PUDP: variants seen among roughly 807,000 people sequenced by gnomAD.
PUDP encodes pseudouridine-5'-phosphatase.
A neutral mutation model predicts 9.4 loss-of-function variants in PUDP; 8 were observed. The observed-to-expected ratio is 0.85, with a 90% CI of 0.50 to 1.53. The LOEUF is 1.53. Among genes scored for constraint, PUDP ranks in the 40% most tolerant of loss-of-function variants. PUDP has a pLI of 0.00. For synonymous variants in PUDP, 99 were observed against 80.7 expected (o/e 1.23, Z -1.22); for missense variants, 188 against 189.7 (o/e 0.99, Z 0.05).
intron 1 of PUDP, among the ~76,000 whole-genome samples, chrX:7,040,999 T>C (rs1382802812): frequency 1.8e-5 from 2 of 112,081 alleles, no homozygotes; most frequent in East Asian, 5.6e-4. Flanking sequence ...CCTCCCCTTC[T>C]TTCCTTGCCC....
chrX:6,741,850 CTTTT>C (rs760334829), intron 3 of PUDP, among the ~76,000 whole-genome samples: 4 of 96,042 alleles, frequency 4.2e-5, no homozygotes, highest in Non-Finnish European at 8.3e-5. Context: ...TTCTTTCTTT[CTTTT>C]TCTTTCTTTC....
chrX:6,778,434 T>C (rs1925503144), intron 3 of PUDP, among the ~76,000 whole-genome samples: 1 of 112,807 alleles, frequency 8.9e-6, no homozygotes, highest in African/African-American at 3.2e-5. Flanking sequence ...CCAGCCACCC[T>C]GAGCATTGCT....
At chrX:6,808,962 A>G (rs1926095376) in intron 3 of PUDP, among the ~76,000 whole-genome samples, 1 of 111,866 alleles carries the variant, frequency 8.9e-6, no homozygotes, top group African/African-American at 3.2e-5. Context: ...GTGGCATGAA[A>G]ACAAGTCCTT....
At chrX:6,816,177 G>A (rs1307250923) in intron 3 of PUDP, among the ~76,000 whole-genome samples, 1 of 105,758 alleles carries the variant, frequency 9.5e-6, no homozygotes, top group Non-Finnish European at 1.9e-5. Context: ...AGTCTATAAA[G>A]ATGATCTTAC....
intron 3 of PUDP, among the ~76,000 whole-genome samples, chrX:6,781,351 C>A (rs760953005): frequency 8.9e-6 from 1 of 111,738 alleles, no homozygotes. Context: ...TCACCCATTA[C>A]GGCACTCTTT....
intron 2 of PUDP, among the ~76,000 whole-genome samples, chrX:7,103,270 G>A (rs1195669060): frequency 2.7e-5 from 3 of 111,806 alleles, no homozygotes; most frequent in African/African-American, 9.8e-5. Flanking sequence ...TTTGTCAAAC[G>A]ATCTTCAACG....
At chrX:6,929,023 T>C (rs1928150033) in intron 3 of PUDP, among the ~76,000 whole-genome samples, 1 of 112,153 alleles carries the variant, frequency 8.9e-6, no homozygotes, top group African/African-American at 3.2e-5. Flanking sequence ...CATGATCAGA[T>C]GTACATAGTT....
At chrX:6,976,356 C>T in intron 3 of PUDP, among the ~76,000 whole-genome samples, 1 of 112,007 alleles carries the variant, frequency 8.9e-6, no homozygotes, top group East Asian at 2.8e-4. Flanking sequence ...ATCTCCTGGT[C>T]TGCGGGTTGC....
chrX:6,876,643 G>A (rs1450947929), intron 3 of PUDP, among the ~76,000 whole-genome samples: 3 of 90,568 alleles, frequency 3.3e-5, no homozygotes, highest in African/African-American at 2.0e-4. Flanking sequence ...AATGTTATGT[G>A]TGTGTGTGTG....
chrX:6,718,684 C>T, intron 1 of PUDP, among the ~76,000 whole-genome samples: 1 of 111,248 alleles, frequency 9.0e-6, no homozygotes, highest in Admixed American at 9.6e-5. Flanking sequence ...CACTAAAAGT[C>T]CAGACTTCTC....
At chrX:6,969,336 T>A (rs1928836102) in intron 3 of PUDP, among the ~76,000 whole-genome samples, 1 of 112,132 alleles carries the variant, frequency 8.9e-6, no homozygotes. Context: ...TGTCCTCGTC[T>A]CTTGGCTGCC....
intron 1 of PUDP, among the ~76,000 whole-genome samples, chrX:7,002,538 A>C (rs1192214017): frequency 9.0e-6 from 1 of 111,507 alleles, no homozygotes; most frequent in African/African-American, 3.3e-5. Flanking sequence ...GTGGGTTATT[A>C]CTGGTCCCTT....
chrX:7,108,218 G>A (rs1044594520), intron 1 of PUDP, among the ~76,000 whole-genome samples: 3 of 112,625 alleles, frequency 2.7e-5, no homozygotes, highest in Admixed American at 1.9e-4. Context: ...TAGGGCTCTT[G>A]CCGCCTTATA....
upstream of PUDP, among the ~76,000 whole-genome samples, chrX:6,723,903 T>C (rs996339743): frequency 1.7e-4 from 19 of 111,708 alleles, no homozygotes; most frequent in African/African-American, 5.9e-4. Context: ...TTGTTAAACA[T>C]GAGTGTTGGA....
chrX:7,072,290 C>T (rs1930758035), intron 3 of PUDP, among the ~76,000 whole-genome samples: 1 of 111,634 alleles, frequency 9.0e-6, no homozygotes, highest in South Asian at 3.8e-4. Context: ...ACAACTTCAA[C>T]CCTGGTATTA....
intron 3 of PUDP, among the ~76,000 whole-genome samples, chrX:6,749,977 A>G (rs1925047332): frequency 8.9e-6 from 1 of 112,337 alleles, no homozygotes; most frequent in African/African-American, 3.2e-5. Context: ...CTGGAGGATG[A>G]CAGAAACCAA....
At chrX:7,040,540 A>G (rs1270320389) in intron 1 of PUDP, among the ~76,000 whole-genome samples, 1 of 111,890 alleles carries the variant, frequency 8.9e-6, no homozygotes, top group Non-Finnish European at 1.9e-5. Context: ...TCCAAACCTG[A>G]TCTTGCTACA....
intron 1 of PUDP, among the ~76,000 whole-genome samples, chrX:7,001,916 A>T (rs1929330631): frequency 8.9e-6 from 1 of 111,785 alleles, no homozygotes. Flanking sequence ...AGCACTTCTT[A>T]AATCAAATAA....
At chrX:6,886,470 G>C (rs1927424437) in intron 3 of PUDP, among the ~76,000 whole-genome samples, 1 of 112,063 alleles carries the variant, frequency 8.9e-6, no homozygotes, top group Non-Finnish European at 1.9e-5. Context: ...TTTATAACAG[G>C]TACTCATGGT....
Sources: gnomAD v4.1 joint callset for allele counts (sites outside exome capture counted in the v4.1 genomes callset) on GRCh38, gnomAD v4.1.1 for gene constraint, MANE v1.5 for transcripts, NCBI Gene and HGNC (gene_info 2026-07-23, HGNC 2026-07-21) for gene names.